TTC23: variants seen among roughly 807,000 people sequenced by gnomAD.
TTC23 encodes tetratricopeptide repeat domain 23.
A neutral mutation model predicts 55.1 loss-of-function variants in TTC23; 58 were observed. The ratio of observed to expected loss-of-function variants is 1.05; its 90% CI spans 0.85 to 1.31. The LOEUF (loss-of-function observed/expected upper bound fraction) is 1.31. TTC23 is among the 50% of genes most tolerant of loss of function. The pLI is 0.00. For missense variants in TTC23, 516 were observed against 534.4 expected (o/e 0.97, Z 0.34); for synonymous variants, 203 against 199.9 (o/e 1.02, Z -0.13).
chr15:99,187,469 C>CAAAAAAAAAAAAA (rs1451783999), intron 9 of TTC23, among the ~76,000 whole-genome samples: 2 of 110,656 alleles, frequency 1.8e-5, no homozygotes, highest in South Asian at 2.9e-4. Flanking sequence ...AAAAAAAAAA[C>CAAAAAAAAAAAAA]AAAACAAAAG....
rs183494449 is a variant in TTC23 at position 99,181,409 on chromosome 15, C to T, written c.760-6254G>A. Among the ~76,000 whole-genome samples the T allele has an allele frequency of 3.3e-4, 51 of 152,242 alleles. 1 individual carries two copies. Among genetic ancestry groups the T allele is most frequent in the African/African-American group, 1.1e-3 (45 of 41,528 alleles). On this transcript the variant is annotated intron_variant, in intron 9 of 13. Coordinates refer to ENST00000394132, the MANE Select transcript of TTC23 (RefSeq NM_001288615.3). ...AGGGATGCCATAAAGGAGAGAAAAG[C>T]GGCAGATGGTGGATAGAGAAGATGT...
At chr15:99,237,942 T>A (rs1261746246) in intron 3 of TTC23, among the ~76,000 whole-genome samples, 2 of 152,142 alleles carry the variant, frequency 1.3e-5, no homozygotes. Context: ...AATTTCATCC[T>A]ATTGCAACTT....
intron 4 of TTC23, among the ~76,000 whole-genome samples, chr15:99,232,697 T>C (rs1396207634): frequency 6.6e-6 from 1 of 152,158 alleles, no homozygotes; most frequent in Middle Eastern, 3.2e-3. Flanking sequence ...TGCACATTGT[T>C]GGTGGGAATG....
intron 3 of TTC23, among the ~76,000 whole-genome samples, chr15:99,239,783 A>G (rs1389544674): frequency 2.0e-5 from 3 of 152,252 alleles, no homozygotes; most frequent in African/African-American, 7.2e-5. Context: ...GTGCTGTCCC[A>G]ACTACCCATG....
intron 12 of TTC23, among the ~76,000 whole-genome samples, chr15:99,149,772 T>C (rs190138710): frequency 6.6e-6 from 1 of 152,336 alleles, no homozygotes; most frequent in East Asian, 1.9e-4. Flanking sequence ...GCTGTGAAGA[T>C]GAGGAATGAT....
intron 5 of TTC23, 104 bp downstream of exon 5, chr15:99,228,428 CA>C (rs1356469825): frequency 2.2e-5 from 23 of 1,054,440 alleles, no homozygotes; most frequent in Non-Finnish European, 2.9e-5. Context: ...TTTCTTGTAT[CA>C]AACTGCTGAG....
intron 5 of TTC23, among the ~76,000 whole-genome samples, chr15:99,227,413 T>C (rs1183944624): frequency 6.6e-6 from 1 of 152,224 alleles, no homozygotes; most frequent in East Asian, 1.9e-4. Context: ...CCACACGTAG[T>C]TCAGGTCCTC....
chr15:99,180,950 G>A (rs1290205014), intron 9 of TTC23, among the ~76,000 whole-genome samples: 1 of 152,322 alleles, frequency 6.6e-6, no homozygotes, highest in South Asian at 2.1e-4. Flanking sequence ...GGGACACAGG[G>A]AAGGAGGGAA....
chr15:99,192,118 G>A (rs1362708759), intron 9 of TTC23, among the ~76,000 whole-genome samples: 1 of 152,236 alleles, frequency 6.6e-6, no homozygotes, highest in Non-Finnish European at 1.5e-5. Flanking sequence ...CATTCAAGAT[G>A]TGACTTGGGT....
upstream of TTC23, chr15:99,251,103 A>C (rs1202198761): frequency 6.6e-6 from 1 of 152,218 alleles, no homozygotes; most frequent in Non-Finnish European, 1.5e-5. Context: ...TGTATGAATG[A>C]AGGAACAGGT....
intron 6 of TTC23, among the ~76,000 whole-genome samples, chr15:99,220,649 G>A (rs1439861444): frequency 6.6e-6 from 1 of 152,172 alleles, no homozygotes; most frequent in Non-Finnish European, 1.5e-5. Context: ...TTTATTGGGT[G>A]GCAATAATGA....
intron 4 of TTC23, among the ~76,000 whole-genome samples, chr15:99,232,176 G>A (rs888436152): frequency 6.6e-6 from 1 of 151,158 alleles, no homozygotes; most frequent in Non-Finnish European, 1.5e-5. Flanking sequence ...TATAGAGTAA[G>A]GATATAAAGA....
At chr15:99,208,143 A>G (rs2076768444) in intron 8 of TTC23, among the ~76,000 whole-genome samples, 1 of 152,208 alleles carries the variant, frequency 6.6e-6, no homozygotes, top group Non-Finnish European at 1.5e-5. Flanking sequence ...TGAAAAGACT[A>G]GAGCTGGATT....
rs772242838 is a variant in TTC23, at chr15:99,210,117, TTA to T, written c.581+8469_581+8470del. ...TATTTAGAGATATATGATTATATAT[TTA>T]TGTTACATATTAATACTAATAACAT... On this transcript the variant is annotated intron_variant, in intron 8 of 13. Coordinates refer to ENST00000394132, the MANE Select transcript of TTC23 (RefSeq NM_001288615.3). Among the ~76,000 whole-genome samples the T allele has an allele frequency of 5.6e-4, 86 of 152,222 alleles. 1 individual carries two copies. The highest frequency in any genetic ancestry group is 3.3e-4 in the Admixed American group (5 of 15,300).
At chr15:99,140,818 C>G (rs2068141337) in intron 12 of TTC23, 3 of 152,144 alleles carry the variant, frequency 2.0e-5, no homozygotes, top group African/African-American at 7.2e-5. Flanking sequence ...ACAAGCCACG[C>G]TGAGGAAAGA....
At chr15:99,212,381 T>A (rs2077111329) in intron 8 of TTC23, among the ~76,000 whole-genome samples, 1 of 152,204 alleles carries the variant, frequency 6.6e-6, no homozygotes. Flanking sequence ...AAAATAATTC[T>A]TAACACTGGG....
chr15:99,212,260 A>ATG (rs35709919), intron 8 of TTC23, among the ~76,000 whole-genome samples: 21,130 of 146,452 alleles, frequency 0.14, 1,470 homozygotes, highest in Middle Eastern at 0.2. Flanking sequence ...TTAAAGAGGG[A>ATG]TGTGTGTGTG....
chr15:99,220,066 T>C (rs1169651435), intron 6 of TTC23, among the ~76,000 whole-genome samples: 2 of 152,212 alleles, frequency 1.3e-5, no homozygotes, highest in Non-Finnish European at 2.9e-5. Flanking sequence ...GACTGTATTT[T>C]CAACTGTGTC....
chr15:99,191,781 GT>G (rs1233034277), intron 9 of TTC23, among the ~76,000 whole-genome samples: 1 of 152,222 alleles, frequency 6.6e-6, no homozygotes, highest in Non-Finnish European at 1.5e-5. Flanking sequence ...AAATGTGGAA[GT>G]GACTTTGGAA....
Sources: gnomAD v4.1 joint callset for allele counts (sites outside exome capture counted in the v4.1 genomes callset) on GRCh38, gnomAD v4.1.1 for gene constraint, MANE v1.5 for transcripts, NCBI Gene and HGNC (gene_info 2026-07-23, HGNC 2026-07-21) for gene names.